ARHGEF18: variants seen among roughly 807,000 people sequenced by gnomAD.
ARHGEF18 encodes the protein rho guanine nucleotide exchange factor 18.
Under a neutral mutation model 155.7 loss-of-function variants are expected in ARHGEF18, and 93 were observed. That is an observed-to-expected ratio of 0.60 (90% CI 0.50 to 0.71). ARHGEF18 has a LOEUF of 0.71. Ranked by LOEUF, ARHGEF18 falls within the 30% of genes least tolerant of loss-of-function variation. ARHGEF18 has a pLI of 0.00. For missense variants in ARHGEF18, 1,593 were observed against 1,816.1 expected (o/e 0.88, Z 2.23); for synonymous variants, 742 against 753.1 (o/e 0.99, Z 0.24).
Position 7,378,387 on chromosome 19 carries a change from C to A in ARHGEF18, c.542-7C>A, listed in dbSNP as rs1970561861. 1 of 1,234,406 alleles carries A rather than the reference C, an allele frequency of 8.1e-7. No individual in the cohort carries two copies. The highest frequency in any genetic ancestry group is 1.5e-5 in the African/African-American group (1 of 64,596). 76.5% of individuals were successfully genotyped at this position (1,234,406 alleles called of 1,614,324 possible). On this transcript the variant is annotated splice_polypyrimidine_tract_variant and splice_region_variant and intron_variant, in intron 5 of 28. Coordinates refer to ENST00000668164, the MANE Select transcript of ARHGEF18 (RefSeq NM_001367823.1). ...CTGTGCTTCCTGGGATGGGGGGCTT[C>A]TTCCAGGCCTGGAACCTCCAGTGCT...
chr19:7,384,637 A>G (rs1007541782), intron 10 of ARHGEF18, among the ~76,000 whole-genome samples: 1 of 151,590 alleles, frequency 6.6e-6, no homozygotes, highest in Non-Finnish European at 1.5e-5. Flanking sequence ...ATCCCCATCC[A>G]GCTCTGTGAC....
At chr19:7,387,644 C>T (rs1242208833) in intron 10 of ARHGEF18, among the ~76,000 whole-genome samples, 2 of 152,044 alleles carry the variant, frequency 1.3e-5, no homozygotes, top group Non-Finnish European at 2.9e-5. Context: ...TATGTATCAC[C>T]TTCGGTGGTT....
chr19:7,376,722 C>T lies in ARHGEF18; in HGVS notation c.506C>T (p.Ser169Phe), dbSNP rs1168929268. Residue 169 changes from serine to phenylalanine, a missense_variant, in exon 5 of 29, where the codon TCT (serine) becomes TTT (phenylalanine). By Grantham distance (155) the Ser-to-Phe change is radical (BLOSUM62 -2). Coordinates refer to ENST00000668164, the MANE Select transcript of ARHGEF18 (RefSeq NM_001367823.1). Reference protein sequence around the residue: ...SFYEIRSPEISPGLEVPTPPV... With the variant: ...SFYEIRSPEIFPGLEVPTPPV... ...TATGAGATCCGCTCTCCGGAAATCTCTCCGGGTTTGGAAGTGCCCACTCCA... is the reference window on the plus strand; with the variant it reads ...TATGAGATCCGCTCTCCGGAAATCTTTCCGGGTTTGGAAGTGCCCACTCCA... 8.1e-7 allele frequency: 1 copy of T among 1,234,476 alleles called. No homozygotes were observed. Among genetic ancestry groups the T allele is most frequent in the Non-Finnish European group, 1.0e-6 (1 of 988,236 alleles). The allele number at this position is 1,234,476 out of a possible 1,614,324, so 76.5% of individuals were successfully genotyped here.
At chr19:7,455,216 G>A (rs912705287) in intron 17 of ARHGEF18, among the ~76,000 whole-genome samples, 1 of 152,284 alleles carries the variant, frequency 6.6e-6, no homozygotes, top group African/African-American at 2.4e-5. Context: ...CGAGTTGGAT[G>A]GTAGGAATAC....
chr19:7,452,772 C>A (rs1260415056), intron 16 of ARHGEF18, among the ~76,000 whole-genome samples: 1 of 151,260 alleles, frequency 6.6e-6, no homozygotes, highest in Admixed American at 6.6e-5. Flanking sequence ...AGCTGGGAGT[C>A]TTTTATGAAG....
chr19:7,447,007 G>C, intron 14 of ARHGEF18, 36 bp from the exon 15 acceptor site: 1 of 1,602,478 alleles, frequency 6.2e-7, no homozygotes, highest in South Asian at 1.1e-5. Flanking sequence ...GGCAGTTTTC[G>C]TGTTTAATTA....
Position 7,395,250 on chromosome 19 carries a change from G to C in ARHGEF18, c.967+12047G>C. The C allele has an allele frequency of 1.0e-6, 1 of 986,516 alleles. No homozygotes were observed. Among genetic ancestry groups the C allele is most frequent in the Non-Finnish European group, 1.2e-6 (1 of 830,848 alleles). The allele number at this position is 986,516 out of a possible 1,614,324, so 61.1% of individuals were successfully genotyped here. A position where few individuals can be genotyped will look rare whatever the true frequency, so the allele number is the denominator to read the frequency against. On this transcript the variant is annotated intron_variant, in intron 10 of 28. Transcript: ENST00000668164. The surrounding 1 kb of genome is among the most constrained non-coding windows in gnomAD (Gnocchi z 5.0). ...GGCCTGCGGGCGATCGGGCCGAGGT[G>C]AGGACGGCGGCGGGGCGGTCCCGAG...
intron 18 of ARHGEF18, 102 bp downstream of exon 18, chr19:7,456,505 T>A: frequency 9.2e-7 from 1 of 1,082,226 alleles, no homozygotes; most frequent in Non-Finnish European, 1.4e-6. Flanking sequence ...TCACTTGAGG[T>A]CAAGAGTTGA....
At chr19:7,384,265 G>A (rs1970883815) in intron 10 of ARHGEF18, among the ~76,000 whole-genome samples, 1 of 152,120 alleles carries the variant, frequency 6.6e-6, no homozygotes, top group Non-Finnish European at 1.5e-5. Context: ...AATGCTGGTA[G>A]TAACCACCTC....
chr19:7,376,003 T>A, intron 4 of ARHGEF18, 133 bp downstream of exon 4: 1 of 1,034,170 alleles, frequency 9.7e-7, no homozygotes. Context: ...GCTGCTTATC[T>A]GTGGTGTGGC....
intron 10 of ARHGEF18, among the ~76,000 whole-genome samples, chr19:7,384,823 C>G (rs536738794): frequency 6.6e-6 from 1 of 152,014 alleles, no homozygotes; most frequent in South Asian, 2.1e-4. Context: ...TCCCGAGTAG[C>G]TGGGTCTACA....
intron 3 of ARHGEF18, 104 bp downstream of exon 3, chr19:7,373,175 G>T (rs377224170): frequency 4.1e-6 from 5 of 1,220,596 alleles, no homozygotes; most frequent in East Asian, 3.2e-5. Flanking sequence ...CCTTGCACCT[G>T]CCGTGGTCCC....
chr19:7,349,616 A>T (rs769392765), intron 1 of ARHGEF18, among the ~76,000 whole-genome samples: 1 of 152,016 alleles, frequency 6.6e-6, no homozygotes, highest in Non-Finnish European at 1.5e-5. Context: ...CGTCTCTACT[A>T]AAAATACAAA....
Position 7,470,277 on chromosome 19 carries a change from A to G in ARHGEF18, c.4065A>G (p.Lys1355=), listed in dbSNP as rs746625007. ...TPLSAKEDAS[K]EDVIFF is the part of the protein sequence containing the mutation. The stretch of plus-strand genomic sequence containing the variant: ...TCAGCGCCAAGGAGGACGCCAGCAA[A>G]GAAGACGTCATCTTCTTCTAAAAGG... Residue 1355 remains lysine (K), a synonymous_variant, in exon 29 of 29, where the codon AAA becomes AAG. Transcript: ENST00000668164. The surrounding 1 kb of genome is among the most constrained non-coding windows in gnomAD (Gnocchi z 5.9). The G allele has an allele frequency of 2.6e-6, 4 of 1,548,452 alleles. No individual in the cohort carries two copies. In the South Asian group the frequency reaches 3.6e-5, roughly 14 times the overall value.
At chr19:7,385,608 G>A (rs1002635767) in intron 10 of ARHGEF18, among the ~76,000 whole-genome samples, 4 of 151,018 alleles carry the variant, frequency 2.6e-5, no homozygotes, top group Admixed American at 6.6e-5. Context: ...CCCGAGTAGC[G>A]GGGATTACAG....
chr19:7,403,687 G>A (rs914188058), intron 10 of ARHGEF18, among the ~76,000 whole-genome samples: 3 of 151,810 alleles, frequency 2.0e-5, no homozygotes, highest in African/African-American at 4.8e-5. Flanking sequence ...ACAGGTGTGC[G>A]CCACCGTGCC....
At chr19:7,349,702 C>T (rs1036371297) in intron 1 of ARHGEF18, among the ~76,000 whole-genome samples, 9 of 151,878 alleles carry the variant, frequency 5.9e-5, no homozygotes, top group Admixed American at 1.3e-4. Flanking sequence ...GGCTTGAACC[C>T]GGGAGGTAGA....
chr19:7,407,114 G>C (rs1972363959), intron 10 of ARHGEF18, among the ~76,000 whole-genome samples: 1 of 150,658 alleles, frequency 6.6e-6, no homozygotes, highest in African/African-American at 2.4e-5. Context: ...GGATGGTAGG[G>C]AACTTGAGAT....
At chr19:7,378,519 G>A in intron 6 of ARHGEF18, 68 bp downstream of exon 6, 1 of 1,202,528 alleles carries the variant, frequency 8.3e-7, no homozygotes, top group Non-Finnish European at 1.0e-6. Context: ...GGCTGCGGGA[G>A]GAGGGCTGCC....
Sources: allele counts gnomAD v4.1 joint callset (sites outside exome capture counted in the v4.1 genomes callset), GRCh38; gene constraint gnomAD v4.1.1; non-coding constraint Gnocchi (gnomAD v3.1); transcripts MANE v1.5; gene names NCBI Gene and HGNC (gene_info 2026-07-23, HGNC 2026-07-21).